ARID1A: variants seen among roughly 807,000 people sequenced by gnomAD.
ARID1A encodes AT-rich interactive domain-containing protein 1A.
ARID1A carries 20 observed loss-of-function variants against 212.6 expected under a neutral mutation model. The observed-to-expected ratio is 0.09, with a 90% confidence interval of 0.07 to 0.14. ARID1A has a LOEUF of 0.14. ARID1A is among the 10% of genes least tolerant of loss of function. The pLI is 1.00. For synonymous variants in ARID1A, 1,376 were observed against 1,222.1 expected, an observed-to-expected ratio of 1.13 and a Z score of -2.63; for missense variants, 2,587 against 3,059.0, an observed-to-expected ratio of 0.85 and a Z score of 3.64.
At chr1:26,760,621 A>G (rs1027962672) in intron 4 of ARID1A, among the ~76,000 whole-genome samples, 10 of 152,082 alleles carry the variant, frequency 6.6e-5, no homozygotes, top group African/African-American at 2.2e-4. Flanking sequence ...CCCAGGAGTC[A>G]GAGGTTGCGA....
rs778187938 is a variant in ARID1A, at chr1:26,780,778, C to G, written c.*22C>G. ...ATGACAGCCGTGGGACACCTCCCCC[C>G]CCCGTGTGTGTGTGCGTGTGTGGAG... On this transcript the variant is annotated 3_prime_UTR_variant, in exon 20 of 20. Transcript: ENST00000324856. The surrounding 1 kb of genome is among the most constrained non-coding windows in gnomAD (Gnocchi z 7.2). The G allele has an allele frequency of 3.2e-6, 5 of 1,544,064 alleles. No homozygotes were observed. Among genetic ancestry groups the G allele is most frequent in the Non-Finnish European group, 4.4e-6 (5 of 1,146,398 alleles).
rs541406471 is a variant in ARID1A, at chr1:26,747,309, C to T, written c.1921-13547C>T. Among the ~76,000 whole-genome samples the T allele has an allele frequency of 1.3e-4, 20 of 152,302 alleles. No homozygotes were observed. The South Asian group carries it at 2.7e-3, about 21-fold the overall frequency. Reference sequence around the variant, plus strand: ...ATAATCTGATTGCCTTGAGGCAGAGCTTACCTCCAAGCTGCTAGCTTCCTT... The same window carrying T: ...ATAATCTGATTGCCTTGAGGCAGAGTTTACCTCCAAGCTGCTAGCTTCCTT... On this transcript the variant is annotated intron_variant, in intron 4 of 19. Coordinates refer to ENST00000324856, the MANE Select transcript of ARID1A (RefSeq NM_006015.6).
rs142383853 is a variant in ARID1A, at chr1:26,774,304, T to C, written c.4102-25T>C. ...TGTCCCTGAGTGCAGAGTATTAACT[T>C]CCCCTCTGCTTGTCTCTGCCTTAGA... On this transcript the variant is annotated intron_variant, in intron 17 of 19. Coordinates refer to ENST00000324856, the MANE Select transcript of ARID1A (RefSeq NM_006015.6). This position sits in a 1 kb window ranked among gnomAD's most constrained non-coding sequence, Gnocchi z 5.6. 4.6e-6 allele frequency: 7 copies of C among 1,521,250 alleles called. No individual in the cohort carries two copies. The East Asian group carries it at 1.6e-4, about 35-fold the overall frequency. The allele number at this position is 1,521,250 out of a possible 1,614,324, so 94.2% of individuals were successfully genotyped here. A position where few individuals can be genotyped will look rare whatever the true frequency, so the allele number is the denominator to read the frequency against.
chr1:26,730,553 TC>T (rs2080664820), intron 2 of ARID1A, among the ~76,000 whole-genome samples: 1 of 152,242 alleles, frequency 6.6e-6, no homozygotes, highest in South Asian at 2.1e-4. Context: ...GTCTCTTTTT[TC>T]CAATAGAGGA....
intron 4 of ARID1A, among the ~76,000 whole-genome samples, chr1:26,735,558 C>T (rs1223310763): frequency 6.6e-6 from 1 of 152,214 alleles, no homozygotes; most frequent in Non-Finnish European, 1.5e-5. Flanking sequence ...TCCCAAGGTG[C>T]TGGGATTATA....
At chr1:26,698,363 C>G (rs944637777) in intron 1 of ARID1A, among the ~76,000 whole-genome samples, 2 of 152,166 alleles carry the variant, frequency 1.3e-5, no homozygotes, top group African/African-American at 4.8e-5. Flanking sequence ...AGCTCATAAA[C>G]TTTTACACTC....
chr1:26,762,293 C>T lies in ARID1A; in HGVS notation c.2393C>T (p.Pro798Leu), dbSNP rs140683722. The T allele has an allele frequency of 3.7e-5, 60 of 1,613,964 alleles. No individual in the cohort carries two copies. The highest frequency in any genetic ancestry group is 4.7e-5 in the Non-Finnish European group (56 of 1,179,992). Residue 798 changes from proline to leucine, a missense_variant, in exon 7 of 20, where the codon CCC (proline) becomes CTC (leucine). Coordinates refer to ENST00000324856, the MANE Select transcript of ARID1A (RefSeq NM_006015.6). ...CAGAACTCCATGGGGAGCTATGGTC[C>T]CCAGGGGGGTCAGTATGGCCCACAA... ...YQQNSMGSYG[P>L]QGGQYGPQGG...
intron 1 of ARID1A, among the ~76,000 whole-genome samples, chr1:26,714,398 T>TTTGTTTG (rs2080482061): frequency 2.6e-5 from 4 of 151,748 alleles, no homozygotes; most frequent in Non-Finnish European, 5.9e-5. Context: ...CTATAATCTT[T>TTTGTTTG]TTTGTTTGTT....
intron 4 of ARID1A, among the ~76,000 whole-genome samples, chr1:26,758,109 G>A (rs988134267): frequency 7.9e-5 from 12 of 152,176 alleles, no homozygotes; most frequent in Admixed American, 5.2e-4. Flanking sequence ...AGGAGTGGGT[G>A]AGGGAACCTT....
At chr1:26,755,116 CAAACCA>C (rs2080916914) in intron 4 of ARID1A, among the ~76,000 whole-genome samples, 1 of 152,114 alleles carries the variant, frequency 6.6e-6, no homozygotes, top group Non-Finnish European at 1.5e-5. Context: ...CAAAAAAAAC[CAAACCA>C]AAACCAAAAT....
At chr1:26,718,689 T>C (rs573380412) in intron 1 of ARID1A, among the ~76,000 whole-genome samples, 2 of 152,326 alleles carry the variant, frequency 1.3e-5, no homozygotes, top group Admixed American at 1.3e-4. Flanking sequence ...TGTTATGCTA[T>C]ATTGTTTAGG....
intron 1 of ARID1A, among the ~76,000 whole-genome samples, chr1:26,710,552 G>C (rs1045179455): frequency 7.2e-6 from 1 of 139,316 alleles, no homozygotes; most frequent in Admixed American, 7.2e-5. Context: ...AGCTTGAGAA[G>C]TGGATTAGTG....
Position 26,781,342 on chromosome 1 carries a change from A to G in ARID1A, c.*586A>G, listed in dbSNP as rs1010767671. 3 of 233,494 alleles carry G rather than the reference A, an allele frequency of 1.3e-5. No individual in the cohort carries two copies. Among genetic ancestry groups the G allele is most frequent in the African/African-American group, 6.6e-5 (3 of 45,292 alleles). 14.5% of individuals were successfully genotyped at this position (233,494 alleles called of 1,614,324 possible). On this transcript the variant is annotated 3_prime_UTR_variant, in exon 20 of 20. Coordinates refer to ENST00000324856, the MANE Select transcript of ARID1A (RefSeq NM_006015.6). Reference sequence around the variant, plus strand: ...GAGTGTAGACCCTTTCATGTACTGTACTGTACACCTGATACTGTAAACATA... The same window carrying G: ...GAGTGTAGACCCTTTCATGTACTGTGCTGTACACCTGATACTGTAAACATA...
At chr1:26,718,050 A>C (rs900210428) in intron 1 of ARID1A, among the ~76,000 whole-genome samples, 2 of 152,096 alleles carry the variant, frequency 1.3e-5, no homozygotes, top group Non-Finnish European at 2.9e-5. Context: ...TCTTGGCTCA[A>C]CGCAACCTCC....
intron 5 of ARID1A, 136 bp downstream of exon 5, chr1:26,761,232 G>T: frequency 6.8e-7 from 1 of 1,473,240 alleles, no homozygotes; most frequent in South Asian, 1.3e-5. Context: ...ATTTGGAGAA[G>T]GAGATTGGAA....
At position 26,766,507 on chromosome 1, in the gene ARID1A, C is replaced by T. The variant is rs749233791; in HGVS notation, c.2929C>T (p.Pro977Ser). 6.2e-7 allele frequency: 1 copy of T among 1,614,048 alleles called. No homozygotes were observed. The highest frequency in any genetic ancestry group is 1.1e-5 in the South Asian group (1 of 91,062). The stretch of plus-strand genomic sequence containing the variant: ...GGGCCTTGGGGATGTAAAGTTAACT[C>T]CAGCCACCAAAATGAACAACAAGGC... Reference protein sequence around the residue: ...MMGLGDVKLTPATKMNNKADG... With the variant: ...MMGLGDVKLTSATKMNNKADG... Residue 977 changes from proline to serine, a missense_variant, in exon 10 of 20, where the codon CCA (proline) becomes TCA (serine). Pro to Ser is a moderately conservative substitution (Grantham distance 74). This residue lies in a region of ARID1A where 674 missense variants were observed against 813.4 expected (regional missense o/e 0.83). Transcript: ENST00000324856.
In ARID1A at chr1:26,706,913, A is replaced by T. The variant is rs539730579; in HGVS notation, c.1137+9373A>T. On this transcript the variant is annotated intron_variant, in intron 1 of 19. Coordinates refer to ENST00000324856, the MANE Select transcript of ARID1A (RefSeq NM_006015.6). The stretch of plus-strand genomic sequence containing the variant: ...ACCGGCTTTTAGTCTCCAGATTTCT[A>T]ACATTGTGCTTGTTTAGGAATTTAG... Among the ~76,000 whole-genome samples the T allele has an allele frequency of 5.3e-5, 8 of 152,298 alleles. No individual in the cohort carries two copies. In the East Asian group the frequency reaches 1.5e-3, roughly 29 times the overall value.
chr1:26,746,560 A>G (rs889254602), intron 4 of ARID1A, among the ~76,000 whole-genome samples: 1 of 152,156 alleles, frequency 6.6e-6, no homozygotes, highest in African/African-American at 2.4e-5. Context: ...TGTTTCTTCA[A>G]ACTTGGCCCA....
Position 26,762,267 on chromosome 1 carries a change from G to A in ARID1A, c.2367G>A (p.Gln789=), listed in dbSNP as rs777420295. The change falls in exon 7 of 20, where the codon CAG becomes CAA. Residue 789 remains glutamine (Q), a synonymous_variant. Coordinates refer to ENST00000324856, the MANE Select transcript of ARID1A (RefSeq NM_006015.6). ...TACACACAGGCATGGGCTCCTACCA[G>A]CAGAACTCCATGGGGAGCTATGGTC... ...GQIHTGMGSY[Q]QNSMGSYGPQ... The A allele has an allele frequency of 2.1e-5, 34 of 1,614,054 alleles. No individual in the cohort carries two copies. The highest frequency in any genetic ancestry group is 3.3e-5 in the Admixed American group (2 of 60,000).
Sources: gnomAD v4.1 joint callset for allele counts (sites outside exome capture counted in the v4.1 genomes callset) on GRCh38, gnomAD v4.1.1 for gene constraint, gnomAD v4.1.1 regional missense constraint, Gnocchi (gnomAD v3.1) non-coding constraint, MANE v1.5 for transcripts, NCBI Gene and HGNC (gene_info 2026-07-23, HGNC 2026-07-21) for gene names.